The following RAB3GAP1 variants were observed in gnomAD, a reference collection of about 807,000 sequenced individuals.
The protein encoded by RAB3GAP1 is RAB3 GTPase activating protein catalytic subunit 1, also known as rab3 GTPase-activating protein catalytic subunit.
Under a neutral mutation model 130.7 loss-of-function variants are expected in RAB3GAP1, and 86 were observed. The observed-to-expected ratio is 0.66, with a 90% CI of 0.55 to 0.79. The LOEUF is 0.79. Ranked by LOEUF, RAB3GAP1 falls within the 30% of genes least tolerant of loss-of-function variation. The probability of loss-of-function intolerance (pLI) is 0.00; values close to 1 mark genes in which losing one functional copy is unlikely to be tolerated. For synonymous variants in RAB3GAP1, 367 were observed against 401.7 expected, an observed-to-expected ratio of 0.91 and a Z score of 1.03; for missense variants, 1,029 against 1,169.4, an observed-to-expected ratio of 0.88 and a Z score of 1.75.
rs1574106846 is a variant in RAB3GAP1 at position 135,098,907 on chromosome 2, A to G, written c.362+5214A>G. On this transcript the variant is annotated intron_variant, in intron 5 of 23. Transcript: ENST00000264158. ...GTATCCTGTAACCTTGCTAAACACA[A>G]TGACTAGTTCTAGGAGTTGTCATTT... 2.0e-5 allele frequency among the ~76,000 whole-genome samples: 3 copies of G among 152,288 alleles called. No individual in the cohort carries two copies. In the East Asian group the frequency reaches 5.8e-4, roughly 29 times the overall value.
In RAB3GAP1 at chr2:135,057,087, A is replaced by G. The variant is rs1409859736; in HGVS notation, c.75-924A>G. 2.0e-5 allele frequency among the ~76,000 whole-genome samples: 3 copies of G among 152,152 alleles called. No individual in the cohort carries two copies. In the East Asian group the frequency reaches 5.8e-4, roughly 29 times the overall value. On this transcript the variant is annotated intron_variant, in intron 2 of 23. Coordinates refer to ENST00000264158, the MANE Select transcript of RAB3GAP1 (RefSeq NM_012233.3). ...GACTGAGACTTGACAGTTTTCATTTACTGATGTTGAGCATGTTGCTACTCA... is the reference window on the plus strand; with the variant it reads ...GACTGAGACTTGACAGTTTTCATTTGCTGATGTTGAGCATGTTGCTACTCA...
chr2:135,080,892 A>G (rs1291520955), intron 3 of RAB3GAP1, among the ~76,000 whole-genome samples: 1 of 152,146 alleles, frequency 6.6e-6, no homozygotes, highest in African/African-American at 2.4e-5. Context: ...TTTTAGTGGG[A>G]TGATCTTGAT....
chr2:135,114,503 A>G (rs1389133964), intron 6 of RAB3GAP1, among the ~76,000 whole-genome samples: 5 of 152,212 alleles, frequency 3.3e-5, no homozygotes, highest in African/African-American at 7.2e-5. Context: ...TAAGGTAGTT[A>G]TGTGCTATAA....
chr2:135,110,828 A>C (rs1690781196), intron 5 of RAB3GAP1, among the ~76,000 whole-genome samples: 1 of 152,182 alleles, frequency 6.6e-6, no homozygotes, highest in South Asian at 2.1e-4. Flanking sequence ...AAATAATATA[A>C]TTGTATTTGA....
intron 3 of RAB3GAP1, among the ~76,000 whole-genome samples, chr2:135,082,183 A>G (rs1238902319): frequency 1.3e-5 from 2 of 152,000 alleles, no homozygotes; most frequent in Non-Finnish European, 2.9e-5. Context: ...AAAGATTTTA[A>G]TTGAAATAAA....
intron 9 of RAB3GAP1, among the ~76,000 whole-genome samples, chr2:135,125,572 T>C (rs1456079820): frequency 6.6e-6 from 1 of 152,214 alleles, no homozygotes; most frequent in African/African-American, 2.4e-5. Context: ...GAATGTGATC[T>C]GTCTCTCTCA....
chr2:135,072,928 A>G (rs1339369606), intron 3 of RAB3GAP1, among the ~76,000 whole-genome samples: 2 of 152,230 alleles, frequency 1.3e-5, no homozygotes, highest in Non-Finnish European at 2.9e-5. Flanking sequence ...GAGATTGCCC[A>G]GTTAGATTTC....
chr2:135,142,896 T>C (rs1314249810), intron 17 of RAB3GAP1, among the ~76,000 whole-genome samples: 2 of 151,928 alleles, frequency 1.3e-5, no homozygotes, highest in Non-Finnish European at 2.9e-5. Flanking sequence ...ATTTTTTTTT[T>C]TTTTAGGATT....
chr2:135,171,299 G>A (rs562706631), downstream of RAB3GAP1, among the ~76,000 whole-genome samples: 53 of 152,222 alleles, frequency 3.5e-4, no homozygotes, highest in African/African-American at 1.3e-3. Context: ...CCTTTGGGGC[G>A]GTAGTGAGTC....
In RAB3GAP1 at chr2:135,081,306, C is replaced by CAAAAAAA. The variant is rs1169138978; in HGVS notation, c.151-9676_151-9670dup. On this transcript the variant is annotated intron_variant, in intron 3 of 23. Transcript: ENST00000264158. ...TGGGTGACAGAGCAAGACTCCGTCT[C>CAAAAAAA]AAAAAAAAAAAAAAAAAAAAAATAT... Among the ~76,000 whole-genome samples the CAAAAAAA allele has an allele frequency of 1.1e-3, 14 of 13,210 alleles. 2 individuals are homozygous for CAAAAAAA. Among genetic ancestry groups the CAAAAAAA allele is most frequent in the African/African-American group, 2.7e-3 (10 of 3,712 alleles). The allele number at this position is 13,210 out of a possible 152,430, so 8.7% of individuals were successfully genotyped here.
At chr2:135,118,114 A>G (rs1010898046) in intron 7 of RAB3GAP1, among the ~76,000 whole-genome samples, 2 of 152,112 alleles carry the variant, frequency 1.3e-5, no homozygotes, top group African/African-American at 2.4e-5. Flanking sequence ...CAAAGTGCCA[A>G]GATAACAGGC....
intron 9 of RAB3GAP1, among the ~76,000 whole-genome samples, chr2:135,124,589 C>T (rs113052195): frequency 0.054 from 8,211 of 152,180 alleles, 420 homozygotes; most frequent in African/African-American, 0.14. Flanking sequence ...CACTTGAACC[C>T]GGCAGGCAGA....
At chr2:135,129,305 AG>A (rs1447949501) in intron 11 of RAB3GAP1, among the ~76,000 whole-genome samples, 4 of 151,716 alleles carry the variant, frequency 2.6e-5, no homozygotes. Flanking sequence ...ACAAAAAATT[AG>A]CCAGGCGTGG....
In RAB3GAP1 at chr2:135,169,834, G is replaced by C. The variant is rs774617603; in HGVS notation, c.*1053G>C. 9.0e-6 allele frequency: 4 copies of C among 443,316 alleles called. No individual in the cohort carries two copies. The highest frequency in any genetic ancestry group is 2.0e-5 in the African/African-American group (1 of 49,552). 27.5% of individuals were successfully genotyped at this position (443,316 alleles called of 1,614,324 possible). A position where few individuals can be genotyped will look rare whatever the true frequency, so the allele number is the denominator to read the frequency against. ...AAGATGTCTTGTGTCTGTGTGGCTAGATGGCCTCTGCTTGGTAATCTTATT... is the reference window on the plus strand; with the variant it reads ...AAGATGTCTTGTGTCTGTGTGGCTACATGGCCTCTGCTTGGTAATCTTATT... On this transcript the variant is annotated 3_prime_UTR_variant, in exon 24 of 24. Transcript: ENST00000264158.
chr2:135,169,194 G>A lies in RAB3GAP1; in HGVS notation c.*413G>A, dbSNP rs1435859496. The A allele has an allele frequency of 3.8e-6, 1 of 262,076 alleles. No homozygotes were observed. The highest frequency in any genetic ancestry group is 9.5e-5 in the East Asian group (1 of 10,562). The allele number at this position is 262,076 out of a possible 1,614,324, so 16.2% of individuals were successfully genotyped here. On this transcript the variant is annotated 3_prime_UTR_variant, in exon 24 of 24. Coordinates refer to ENST00000264158, the MANE Select transcript of RAB3GAP1 (RefSeq NM_012233.3). ...ATCAGCAGCAAGTGTGCAAAATAAA[G>A]GACCTGTTAACTCAGATTTCTGGAT... is the stretch of plus-strand genomic sequence containing the variant.
chr2:135,067,333 A>G (rs1000595311), intron 3 of RAB3GAP1, among the ~76,000 whole-genome samples: 12 of 152,244 alleles, frequency 7.9e-5, no homozygotes, highest in Non-Finnish European at 1.6e-4. Context: ...AGCTACTCAC[A>G]ACCTTGTTTG....
chr2:135,054,182 G>GC (rs1688950862), intron 2 of RAB3GAP1, among the ~76,000 whole-genome samples: 1 of 152,156 alleles, frequency 6.6e-6, no homozygotes, highest in Admixed American at 6.5e-5. Context: ...AGATTGCTGG[G>GC]CCCCATCCTC....
chr2:135,153,818 A>G lies in RAB3GAP1; in HGVS notation c.2231A>G (p.Lys744Arg). The G allele has an allele frequency of 4.3e-6, 7 of 1,614,064 alleles. No individual in the cohort carries two copies. Among genetic ancestry groups the G allele is most frequent in the Non-Finnish European group, 5.1e-6 (6 of 1,179,926 alleles). The part of the protein sequence containing the change: ...NMWVEAWETA[K>R]PIPARRQRRL... ...TGGGTAGAAGCCTGGGAAACAGCTA[A>G]GCCAATTCCTGCTAGAAGGCAAAGG... Residue 744 changes from lysine (K) to arginine (R), a missense_variant, in exon 19 of 24, where the codon AAG (lysine) becomes AGG (arginine). This residue lies in a region of RAB3GAP1 where 373 missense variants were observed against 493.6 expected (regional missense o/e 0.76). Coordinates refer to ENST00000264158, the MANE Select transcript of RAB3GAP1 (RefSeq NM_012233.3).
intron 5 of RAB3GAP1, among the ~76,000 whole-genome samples, chr2:135,101,702 T>G (rs1209960204): frequency 6.6e-6 from 1 of 152,222 alleles, no homozygotes; most frequent in Non-Finnish European, 1.5e-5. Context: ...GCATGATCAA[T>G]TTTATGTTCT....
Sources: allele counts gnomAD v4.1 joint callset (sites outside exome capture counted in the v4.1 genomes callset), GRCh38; gene constraint gnomAD v4.1.1; regional missense constraint gnomAD v4.1.1; transcripts MANE v1.5; gene names NCBI Gene and HGNC (gene_info 2026-07-23, HGNC 2026-07-21).